CHD6: variants seen among roughly 807,000 people sequenced by gnomAD.
The protein encoded by CHD6 is chromodomain helicase DNA binding protein 6, also known as ATP-dependent chromatin remodeler CHD6.
In CHD6, 50 loss-of-function variants were observed where a neutral mutation model predicts 276.9. That is an observed-to-expected ratio of 0.18 (90% CI 0.14 to 0.23). The LOEUF is 0.23. CHD6 is among the 10% of genes least tolerant of loss of function. The pLI, the probability that CHD6 is intolerant of heterozygous loss-of-function variation, is 1.00. For synonymous variants in CHD6, 1,173 were observed against 1,229.3 expected (o/e 0.95, Z 0.96); for missense variants, 2,564 against 3,365.8 (o/e 0.76, Z 5.89).
At chr20:41,547,300 T>C (rs1035199876) in intron 2 of CHD6, 3 of 190,166 alleles carry the variant, frequency 1.6e-5, no homozygotes, top group African/African-American at 7.0e-5. Context: ...CATGTTATGA[T>C]TACTTCCATT....
chr20:41,600,773 G>A (rs2045765585), intron 1 of CHD6, among the ~76,000 whole-genome samples: 1 of 152,028 alleles, frequency 6.6e-6, no homozygotes, highest in Admixed American at 6.6e-5. Context: ...TCAAAGTTTT[G>A]GGCTGGAGCT....
At chr20:41,615,572 T>C (rs1196991619) in intron 1 of CHD6, among the ~76,000 whole-genome samples, 2 of 152,244 alleles carry the variant, frequency 1.3e-5, no homozygotes, top group Non-Finnish European at 2.9e-5. Context: ...TTTCAAGCCT[T>C]CTTATACCAG....
chr20:41,510,944 G>C (rs1409989154), intron 5 of CHD6, among the ~76,000 whole-genome samples: 1 of 152,126 alleles, frequency 6.6e-6, no homozygotes, highest in Admixed American at 6.5e-5. Flanking sequence ...CCTACTAAGT[G>C]TTATATTCAT....
intron 14 of CHD6, among the ~76,000 whole-genome samples, chr20:41,485,045 T>C (rs2043380765): frequency 1.3e-5 from 2 of 152,210 alleles, no homozygotes; most frequent in Admixed American, 6.5e-5. Context: ...AGAGATGATC[T>C]GGAAAACAAT....
intron 1 of CHD6, among the ~76,000 whole-genome samples, chr20:41,580,478 C>T (rs555995681): frequency 5.7e-4 from 87 of 151,550 alleles, no homozygotes; most frequent in African/African-American, 2.0e-3. Flanking sequence ...AACATAAGGA[C>T]GCCCCATCTC....
chr20:41,520,567 A>G (rs35519030), intron 3 of CHD6, among the ~76,000 whole-genome samples: 3,112 of 151,268 alleles, frequency 0.021, 52 homozygotes, highest in Non-Finnish European at 0.033. Flanking sequence ...AACTATCACA[A>G]GGACAAAAAA....
chr20:41,515,061 G>T, intron 3 of CHD6, 109 bp from the exon 4 acceptor site: 6 of 1,086,470 alleles, frequency 5.5e-6, no homozygotes, highest in Non-Finnish European at 8.1e-6. Flanking sequence ...ACCAGGGCAG[G>T]CTTTAATGGG....
In CHD6 at chr20:41,418,717, C is replaced by G. The variant is rs138169387; in HGVS notation, c.6128-1368G>C. On this transcript the variant is annotated intron_variant, in intron 31 of 36. Transcript: ENST00000373233. ...CTTCAGGACTGTAGATTTCTAGTCT[C>G]GAAAGCAGGGCTAATCCTCTCTGGC... Among the ~76,000 whole-genome samples the G allele has an allele frequency of 1.4e-3, 207 of 152,190 alleles. 1 individual carries two copies. Among genetic ancestry groups the G allele is most frequent in the Admixed American group, 2.8e-3 (43 of 15,290 alleles).
intron 35 of CHD6, among the ~76,000 whole-genome samples, chr20:41,412,771 A>G (rs2046879727): frequency 6.6e-6 from 1 of 152,234 alleles, no homozygotes; most frequent in Non-Finnish European, 1.5e-5. Flanking sequence ...TCTGTGCTCG[A>G]GTCCTCTCCT....
intron 26 of CHD6, 118 bp from the exon 27 acceptor site, chr20:41,437,452 C>A: frequency 1.6e-6 from 1 of 618,508 alleles, no homozygotes; most frequent in Non-Finnish European, 2.9e-6. Context: ...AGAGACAGGG[C>A]GAGAGAGAGA....
intron 13 of CHD6, 45 bp from the exon 14 acceptor site, chr20:41,487,853 A>G (rs368942866): frequency 6.4e-7 from 1 of 1,573,630 alleles, no homozygotes; most frequent in Non-Finnish European, 8.6e-7. Flanking sequence ...TGAGCCATCA[A>G]AATAGTGCAT....
chr20:41,473,340 G>A lies in CHD6; in HGVS notation c.2646C>T (p.Asn882=). Residue 882 remains asparagine (N), a synonymous_variant, in exon 17 of 37, where the codon AAC becomes AAT. Coordinates refer to ENST00000373233, the MANE Select transcript of CHD6 (RefSeq NM_032221.5). The surrounding 1 kb of genome is among the most constrained non-coding windows in gnomAD (Gnocchi z 4.1). The stretch of plus-strand genomic sequence containing the variant: ...TGGTTACCTGCAAGTCATTTTGTGG[G>A]TTCCAGTCAGAATCAAATATGATGC... ...DTCIIFDSDW[N]PQNDLQAQAR... is the part of the protein sequence containing the mutation. 1.2e-6 allele frequency: 2 copies of A among 1,613,968 alleles called. No homozygotes were observed. Among genetic ancestry groups the A allele is most frequent in the Non-Finnish European group, 1.7e-6 (2 of 1,179,960 alleles).
At chr20:41,475,897 G>T (rs2043157782) in intron 16 of CHD6, among the ~76,000 whole-genome samples, 2 of 152,124 alleles carry the variant, frequency 1.3e-5, no homozygotes, top group African/African-American at 4.8e-5. Context: ...GTGTTTTTGT[G>T]TATTATAATG....
Position 41,425,287 on chromosome 20 carries a change from G to C in CHD6, c.4237C>G (p.Leu1413Val), listed in dbSNP as rs1211213970. The C allele has an allele frequency of 1.2e-6, 2 of 1,614,068 alleles. No individual in the cohort carries two copies. Among genetic ancestry groups the C allele is most frequent in the Non-Finnish European group, 1.7e-6 (2 of 1,180,034 alleles). The change falls in exon 29 of 37, where the codon CTG becomes GTG. Residue 1413 changes from leucine to valine, a missense_variant. Around this residue, in one of 7 missense-constraint regions of CHD6, gnomAD observed 515 missense variants for 739.5 expected, o/e 0.70. Transcript: ENST00000373233. ...GGTCCCAGAATTTCAGGCCGGCACAGTTCCTTGCGGTTGCAGCGCTGGTAA... is the reference window on the plus strand; with the variant it reads ...GGTCCCAGAATTTCAGGCCGGCACACTTCCTTGCGGTTGCAGCGCTGGTAA... The part of the protein sequence containing the change: ...TVYQRCNRKE[L>V]CRPEILGPGN...
At chr20:41,615,928 T>C (rs142216499) in intron 1 of CHD6, among the ~76,000 whole-genome samples, 2 of 152,324 alleles carry the variant, frequency 1.3e-5, no homozygotes, top group East Asian at 3.9e-4. Flanking sequence ...CAAGGAGCTC[T>C]CCAACACATA....
chr20:41,447,820 C>A, intron 24 of CHD6, 62 bp downstream of exon 24: 1 of 1,272,728 alleles, frequency 7.9e-7, no homozygotes, highest in Non-Finnish European at 1.1e-6. Context: ...TTGGCCAGCT[C>A]CATGAATAGG....
At chr20:41,617,416 G>C (rs554548670) in intron 1 of CHD6, among the ~76,000 whole-genome samples, 1 of 152,034 alleles carries the variant, frequency 6.6e-6, no homozygotes, top group Non-Finnish European at 1.5e-5. Flanking sequence ...ATTTTTAATT[G>C]TATCAAATAA....
chr20:41,511,870 T>C (rs559308559), intron 5 of CHD6, among the ~76,000 whole-genome samples: 1 of 152,236 alleles, frequency 6.6e-6, no homozygotes, highest in South Asian at 2.1e-4. Context: ...CACATTCTTC[T>C]AGACTTGCAA....
At chr20:41,428,361 G>C (rs958630737) in intron 27 of CHD6, among the ~76,000 whole-genome samples, 5 of 152,184 alleles carry the variant, frequency 3.3e-5, no homozygotes, top group African/African-American at 1.2e-4. Flanking sequence ...TGACAGTCCT[G>C]AGCATGCAGA....
Sources: gnomAD v4.1 joint callset for allele counts (sites outside exome capture counted in the v4.1 genomes callset) on GRCh38, gnomAD v4.1.1 for gene constraint, gnomAD v4.1.1 regional missense constraint, Gnocchi (gnomAD v3.1) non-coding constraint, MANE v1.5 for transcripts, NCBI Gene and HGNC (gene_info 2026-07-23, HGNC 2026-07-21) for gene names.